POM121C: variants seen among roughly 807,000 people sequenced by gnomAD.
POM121C encodes the protein nuclear envelope pore membrane protein POM 121C.
POM121C carries 20 observed loss-of-function variants against 66.4 expected under a neutral mutation model. The observed-to-expected ratio is 0.30, with a 90% CI of 0.21 to 0.44. The LOEUF (loss-of-function observed/expected upper bound fraction) is 0.44. Among genes scored for constraint, POM121C ranks in the 20% least tolerant of loss-of-function variants. POM121C has a pLI of 1.00. For missense variants in POM121C, 580 were observed against 1,225.7 expected, an observed-to-expected ratio of 0.47 and a Z score of 7.87; for synonymous variants, 286 against 528.0, an observed-to-expected ratio of 0.54 and a Z score of 6.28.
chr7:75,429,066 C>T (rs781814556), intron 7 of POM121C, among the ~76,000 whole-genome samples: 4 of 152,012 alleles, frequency 2.6e-5, no homozygotes, highest in Non-Finnish European at 5.9e-5. Context: ...ACTTCATTGA[C>T]TGTACGTACA....
At chr7:75,478,218 G>T (rs1554479656) in intron 1 of POM121C, among the ~76,000 whole-genome samples, 1 of 152,162 alleles carries the variant, frequency 6.6e-6, no homozygotes, top group East Asian at 1.9e-4. Context: ...GCCCACCTTA[G>T]CCTTGTTGTT....
rs1322433384 is a variant in POM121C, at chr7:75,447,062, AT to A, written c.-151-5416del. Among the ~76,000 whole-genome samples the A allele has an allele frequency of 3.8e-4, 56 of 146,818 alleles. 1 individual carries two copies. The highest frequency in any genetic ancestry group is 1.3e-3 in the Admixed American group (19 of 14,636). On this transcript the variant is annotated intron_variant, in intron 3 of 14. Coordinates refer to ENST00000615331, the MANE Select transcript of POM121C (RefSeq NM_001099415.3). ...AATGACCATTACTCAACAAGGTAAA[AT>A]CTCCAATGTCTGGCATCCTGGCATC...
intron 12 of POM121C, 85 bp downstream of exon 12, chr7:75,423,964 C>T (rs1554471307): frequency 5.2e-6 from 8 of 1,527,812 alleles, no homozygotes; most frequent in Admixed American, 3.8e-5. Context: ...CAATCTCCAG[C>T]GACTGACAGG....
intron 7 of POM121C, among the ~76,000 whole-genome samples, chr7:75,433,814 T>C (rs1790286970): frequency 6.6e-6 from 1 of 152,218 alleles, no homozygotes; most frequent in African/African-American, 2.4e-5. Context: ...ACCAATACTG[T>C]AAGTTATTCA....
chr7:75,451,022 T>C (rs1377548869), intron 3 of POM121C, among the ~76,000 whole-genome samples: 2 of 152,032 alleles, frequency 1.3e-5, no homozygotes, highest in African/African-American at 2.4e-5. Flanking sequence ...CTCAAGGAAA[T>C]AAGAGAGTAC....
intron 3 of POM121C, among the ~76,000 whole-genome samples, chr7:75,460,778 C>T (rs1440460940): frequency 7.9e-5 from 12 of 152,248 alleles, no homozygotes; most frequent in African/African-American, 2.4e-4. Context: ...GATGCCAGGG[C>T]GAGCAGCGGA....
chr7:75,456,781 C>T (rs1791232534), intron 3 of POM121C, among the ~76,000 whole-genome samples: 1 of 152,228 alleles, frequency 6.6e-6, no homozygotes, highest in Admixed American at 6.5e-5. Context: ...ATGTTGTTTC[C>T]AGTTCCATAG....
intron 13 of POM121C, chr7:75,420,647 A>T (rs1357573657): frequency 1.3e-5 from 2 of 152,052 alleles, no homozygotes; most frequent in Non-Finnish European, 2.9e-5. Flanking sequence ...CCTCTCCCAG[A>T]TTTTCTCTCC....
At chr7:75,472,793 C>T (rs1418248587) in intron 3 of POM121C, among the ~76,000 whole-genome samples, 4 of 146,266 alleles carry the variant, frequency 2.7e-5, no homozygotes, top group African/African-American at 5.1e-5. Flanking sequence ...GTGACAAGAG[C>T]GAGACACTAT....
At chr7:75,484,458 T>C (rs1403066444) in intron 1 of POM121C, 6 of 327,242 alleles carry the variant, frequency 1.8e-5, no homozygotes, top group Middle Eastern at 9.1e-4. Context: ...TGGCCTCAAG[T>C]GATCCGCCTG....
At chr7:75,472,559 C>A (rs1285653608) in intron 3 of POM121C, among the ~76,000 whole-genome samples, 1 of 151,890 alleles carries the variant, frequency 6.6e-6, no homozygotes, top group African/African-American at 2.4e-5. Flanking sequence ...GTAATCCTAG[C>A]ACTTTGAGAG....
chr7:75,424,685 G>A (rs113587852), intron 10 of POM121C, 57 bp from the exon 11 acceptor site: 227 of 1,601,784 alleles, frequency 1.4e-4, no homozygotes, highest in African/African-American at 7.2e-4. Context: ...AAGGCTGGGC[G>A]TGGTGGCTAA....
chr7:75,418,560 T>C lies in POM121C; in HGVS notation c.*236A>G. The C allele has an allele frequency of 7.6e-7, 1 of 1,320,016 alleles. No individual in the cohort carries two copies. The highest frequency in any genetic ancestry group is 1.9e-5 in the South Asian group (1 of 53,696). 81.8% of individuals were successfully genotyped at this position (1,320,016 alleles called of 1,614,324 possible). On this transcript the variant is annotated 3_prime_UTR_variant, in exon 15 of 15. Transcript: ENST00000615331. ...AGTTCTCCAGCCTCCCCAGTGGAAC[T>C]GTTCAAGTAGAGGTCCCGGGCTTTG...
intron 1 of POM121C, chr7:75,484,423 T>C (rs1345156383): frequency 4.5e-6 from 2 of 442,264 alleles, no homozygotes; most frequent in Non-Finnish European, 8.1e-6. Context: ...GGTTTCACCA[T>C]GTTGGCCAGG....
chr7:75,424,675 A>C, intron 10 of POM121C, 47 bp from the exon 11 acceptor site: 1 of 1,608,826 alleles, frequency 6.2e-7, no homozygotes. Flanking sequence ...AAAAAACGGG[A>C]AGGCTGGGCG....
intron 3 of POM121C, among the ~76,000 whole-genome samples, chr7:75,471,365 C>G (rs587644603): frequency 6.6e-6 from 1 of 152,044 alleles, no homozygotes; most frequent in African/African-American, 2.4e-5. Flanking sequence ...TGCACCACCA[C>G]GCCTGGCTAA....
rs1460104766 is a variant in POM121C, at chr7:75,441,037, C to G, written c.144G>C (p.Leu48=). The G allele has an allele frequency of 1.2e-6, 2 of 1,613,842 alleles. No individual in the cohort carries two copies. The highest frequency in any genetic ancestry group is 2.7e-5 in the African/African-American group (2 of 74,916). ...APDPCAKETV[L]SALKEKKKKR... The stretch of plus-strand genomic sequence containing the variant: ...TCTTCTTCTTCTCTTTGAGGGCACT[C>G]AGTACAGTCTCCTTTGCACATGGGT... The change falls in exon 5 of 15, where the codon CTG becomes CTC. Residue 48 remains leucine, a synonymous_variant. Coordinates refer to ENST00000615331, the MANE Select transcript of POM121C (RefSeq NM_001099415.3).
intron 3 of POM121C, among the ~76,000 whole-genome samples, chr7:75,448,747 C>T (rs1554475210): frequency 1.3e-5 from 2 of 148,330 alleles, no homozygotes; most frequent in South Asian, 2.1e-4. Context: ...TTGCAGTGAG[C>T]CGAGATGGCG....
chr7:75,417,727 T>C lies in POM121C; in HGVS notation c.*1069A>G. 3 of 984,826 alleles carry C rather than the reference T, an allele frequency of 3.0e-6. No homozygotes were observed. Among genetic ancestry groups the C allele is most frequent in the Non-Finnish European group, 3.6e-6 (3 of 829,222 alleles). 61.0% of individuals were successfully genotyped at this position (984,826 alleles called of 1,614,324 possible). A position where few individuals can be genotyped will look rare whatever the true frequency, so the allele number is the denominator to read the frequency against. On this transcript the variant is annotated 3_prime_UTR_variant, in exon 15 of 15. Transcript: ENST00000615331. ...GAGGTCTTTGCTTCCCCTGGGCCCA[T>C]TCTCCCTGGCTGCCAGCCCTTGAAG...
Sources: gnomAD v4.1 joint callset for allele counts (sites outside exome capture counted in the v4.1 genomes callset) on GRCh38, gnomAD v4.1.1 for gene constraint, MANE v1.5 for transcripts, NCBI Gene and HGNC (gene_info 2026-07-23, HGNC 2026-07-21) for gene names.